The following LMAN2 variants were observed in gnomAD, a reference collection of about 807,000 sequenced individuals.
The protein encoded by LMAN2 is vesicular integral-membrane protein VIP36.
In LMAN2, 22 loss-of-function variants were observed where a neutral mutation model predicts 39.3. That is an observed-to-expected ratio of 0.56 (90% confidence interval 0.40 to 0.80). The LOEUF is 0.80. LMAN2 is among the 30% of genes least tolerant of loss of function. The pLI is 0.00. For synonymous variants in LMAN2, 207 were observed against 207.8 expected (o/e 1.00, Z 0.03); for missense variants, 494 against 505.4 (o/e 0.98, Z 0.22).
At chr5:177,334,077 A>G (rs551348763) in intron 7 of LMAN2, among the ~76,000 whole-genome samples, 2 of 152,324 alleles carry the variant, frequency 1.3e-5, no homozygotes, top group East Asian at 3.9e-4. Flanking sequence ...TTACTCAAAA[A>G]CTTGCCAGAG....
intron 3 of LMAN2, 74 bp downstream of exon 3, chr5:177,338,414 C>T (rs1761506430): frequency 8.0e-7 from 1 of 1,255,756 alleles, no homozygotes; most frequent in Non-Finnish European, 1.2e-6. Context: ...CAGCCCCACC[C>T]CACCTCCCTA....
chr5:177,337,125 G>C lies in LMAN2; in HGVS notation c.790+11C>G. 6.2e-7 allele frequency: 1 copy of C among 1,604,098 alleles called. No individual in the cohort carries two copies. ...TGGGCTGGGAACCAACGCCTGGCCC[G>C]GCCCACTCACCAGACAGGTCGCCGG... On this transcript the variant is annotated intron_variant, in intron 6 of 7. Coordinates refer to ENST00000303127, the MANE Select transcript of LMAN2 (RefSeq NM_006816.3). This position sits in a 1 kb window ranked among gnomAD's most constrained non-coding sequence, Gnocchi z 8.2.
intron 6 of LMAN2, among the ~76,000 whole-genome samples, chr5:177,336,324 A>G (rs1761469311): frequency 6.6e-6 from 1 of 152,144 alleles, no homozygotes; most frequent in African/African-American, 2.4e-5. Context: ...AGGGAGCCAG[A>G]GGTGGCAGGG....
intron 2 of LMAN2, among the ~76,000 whole-genome samples, chr5:177,348,794 G>A (rs1761677512): frequency 6.9e-6 from 1 of 145,858 alleles, no homozygotes; most frequent in African/African-American, 2.6e-5. Flanking sequence ...TGAGGCAGGA[G>A]AATCACTTGA....
intron 2 of LMAN2, among the ~76,000 whole-genome samples, chr5:177,341,202 G>A (rs1310879323): frequency 6.6e-6 from 1 of 151,856 alleles, no homozygotes; most frequent in Non-Finnish European, 1.5e-5. Flanking sequence ...GAGGAGCTGG[G>A]ATTACAGGCA....
Position 177,346,945 on chromosome 5 carries a change from T to C in LMAN2, c.315+4228A>G, listed in dbSNP as rs145101273. Among the ~76,000 whole-genome samples, 12 of 152,258 alleles carry C rather than the reference T, an allele frequency of 7.9e-5. No individual in the cohort carries two copies. The East Asian group carries it at 1.7e-3, about 22-fold the overall frequency. Reference sequence around the variant, plus strand: ...CACCTGGGAAGCTCAGAAAGCAAGTTTGACCTAAAGAACCTACGTGGCACA... The same window carrying C: ...CACCTGGGAAGCTCAGAAAGCAAGTCTGACCTAAAGAACCTACGTGGCACA... On this transcript the variant is annotated intron_variant, in intron 2 of 7. Transcript: ENST00000303127.
chr5:177,349,547 C>G (rs1761691435), intron 2 of LMAN2, among the ~76,000 whole-genome samples: 1 of 151,888 alleles, frequency 6.6e-6, no homozygotes, highest in Non-Finnish European at 1.5e-5. Context: ...AAGGCAAGTG[C>G]AGAAGCCTCT....
At chr5:177,333,822 G>A (rs1241501867) in intron 7 of LMAN2, among the ~76,000 whole-genome samples, 1 of 150,626 alleles carries the variant, frequency 6.6e-6, no homozygotes, top group Non-Finnish European at 1.5e-5. Flanking sequence ...TCTCCTTCTA[G>A]CTAAGGAATC....
chr5:177,346,930 G>A (rs948598430), intron 2 of LMAN2, among the ~76,000 whole-genome samples: 3 of 152,178 alleles, frequency 2.0e-5, no homozygotes, highest in Admixed American at 6.5e-5. Context: ...CACCTGGGAA[G>A]CTCAGAAAGC....
chr5:177,351,601 C>T lies in LMAN2; in HGVS notation c.47G>A (p.Cys16Tyr), dbSNP rs143985896. ...WIWRWGWGRR[C>Y]LGRPGLLGPG... ...GCCGAGAAGCCCAGGCCTTCCCAGGCACCGCCGGCCCCAGCCCCAACGCCA... is the reference window on the plus strand; with the variant it reads ...GCCGAGAAGCCCAGGCCTTCCCAGGTACCGCCGGCCCCAGCCCCAACGCCA... The change falls in exon 1 of 8, where the codon TGC (cysteine) becomes TAC (tyrosine). Residue 16 changes from cysteine to tyrosine, a missense_variant. Cys to Tyr is a radical substitution (Grantham distance 194). Coordinates refer to ENST00000303127, the MANE Select transcript of LMAN2 (RefSeq NM_006816.3). 194 of 1,610,022 alleles carry T rather than the reference C, an allele frequency of 1.2e-4. 1 individual carries two copies. The African/African-American group carries it at 2.2e-3, about 18-fold the overall frequency.
chr5:177,342,808 CAA>C (rs558635384), intron 2 of LMAN2, among the ~76,000 whole-genome samples: 20 of 94,116 alleles, frequency 2.1e-4, no homozygotes, highest in Non-Finnish European at 1.9e-4. Flanking sequence ...AAAGCACAGA[CAA>C]AAAAAAAAAA....
intron 3 of LMAN2, among the ~76,000 whole-genome samples, chr5:177,338,141 A>G (rs1042520622): frequency 1.3e-5 from 2 of 152,132 alleles, no homozygotes; most frequent in African/African-American, 4.8e-5. Context: ...AAGAGCCACC[A>G]AGGAAACACC....
At chr5:177,336,494 TGA>T (rs1761472764) in intron 6 of LMAN2, among the ~76,000 whole-genome samples, 1 of 152,104 alleles carries the variant, frequency 6.6e-6, no homozygotes. Context: ...GAGACTCCTG[TGA>T]GAGACACTGG....
intron 2 of LMAN2, among the ~76,000 whole-genome samples, chr5:177,350,145 G>A (rs1272565159): frequency 2.0e-5 from 3 of 152,158 alleles, no homozygotes; most frequent in African/African-American, 7.2e-5. Context: ...GTGGAGGCTC[G>A]GGGCAGGAAG....
intron 6 of LMAN2, among the ~76,000 whole-genome samples, chr5:177,336,615 G>C (rs1466911061): frequency 1.3e-5 from 2 of 152,194 alleles, no homozygotes; most frequent in African/African-American, 4.8e-5. Context: ...GTGAGAGAAA[G>C]AAGGGTCCGG....
At chr5:177,349,095 G>A (rs1761681842) in intron 2 of LMAN2, among the ~76,000 whole-genome samples, 1 of 152,130 alleles carries the variant, frequency 6.6e-6, no homozygotes, top group South Asian at 2.1e-4. Flanking sequence ...CACTGCCGCA[G>A]CCTCCGCACA....
rs376750078 is a variant in LMAN2, at chr5:177,338,043, G to T, written c.434-258C>A. ...GAGGCAGATGTCAGGTGTCAAGGGG[G>T]TACCTGGCCTACAAAAAACAGTGAG... On this transcript the variant is annotated intron_variant, in intron 3 of 7. Coordinates refer to ENST00000303127, the MANE Select transcript of LMAN2 (RefSeq NM_006816.3). Among the ~76,000 whole-genome samples, 22 of 152,154 alleles carry T rather than the reference G, an allele frequency of 1.4e-4. No homozygotes were observed. In the East Asian group the frequency reaches 3.7e-3, roughly 25 times the overall value.
chr5:177,335,893 C>T (rs1368272451), intron 6 of LMAN2, among the ~76,000 whole-genome samples: 8 of 152,204 alleles, frequency 5.3e-5, no homozygotes, highest in Non-Finnish European at 1.5e-5. Flanking sequence ...GGCCTGGCAC[C>T]TGCTCAGGGC....
chr5:177,338,863 G>A lies in LMAN2; in HGVS notation c.316-258C>T, dbSNP rs555982990. Among the ~76,000 whole-genome samples the A allele has an allele frequency of 3.3e-5, 5 of 152,362 alleles. No individual in the cohort carries two copies. In the East Asian group the frequency reaches 9.7e-4, roughly 29 times the overall value. On this transcript the variant is annotated intron_variant, in intron 2 of 7. Coordinates refer to ENST00000303127, the MANE Select transcript of LMAN2 (RefSeq NM_006816.3). Reference sequence around the variant, plus strand: ...GCTGCCTGAGGCCCAGACCCCGCCAGCAGACCTCAGGCTGCTCCTGAGTAG... The same window carrying A: ...GCTGCCTGAGGCCCAGACCCCGCCAACAGACCTCAGGCTGCTCCTGAGTAG...
Sources: gnomAD v4.1 joint callset for allele counts (sites outside exome capture counted in the v4.1 genomes callset) on GRCh38, gnomAD v4.1.1 for gene constraint, Gnocchi (gnomAD v3.1) non-coding constraint, MANE v1.5 for transcripts, NCBI Gene and HGNC (gene_info 2026-07-23, HGNC 2026-07-21) for gene names.